Variants in ALDH7A1 observed in about 807,000 individuals in gnomAD.
ALDH7A1 encodes the protein alpha-aminoadipic semialdehyde dehydrogenase.
ALDH7A1 carries 63 observed loss-of-function variants against 79.9 expected under a neutral mutation model. That is an observed-to-expected ratio of 0.79 (90% CI 0.64 to 0.97). ALDH7A1 has a LOEUF of 0.97. Among genes scored for constraint, ALDH7A1 ranks in the 50% least tolerant of loss-of-function variants. The pLI is 0.00. For missense variants in ALDH7A1, 627 were observed against 665.2 expected, an observed-to-expected ratio of 0.94 and a Z score of 0.63; for synonymous variants, 240 against 231.2, an observed-to-expected ratio of 1.04 and a Z score of -0.34.
chr5:126,560,766 T>C (rs1243453018), intron 10 of ALDH7A1, among the ~76,000 whole-genome samples: 2 of 152,088 alleles, frequency 1.3e-5, no homozygotes, highest in Non-Finnish European at 2.9e-5. Context: ...TCTAGAGAAA[T>C]GTGGCCAGTT....
At chr5:126,584,221 G>A (rs573060006) in intron 3 of ALDH7A1, 52 of 542,924 alleles carry the variant, frequency 9.6e-5, no homozygotes, top group Non-Finnish European at 1.3e-4. Flanking sequence ...GCACAGAGGA[G>A]AAGAAAAGGC....
At chr5:126,594,691 C>G (rs1751680709) in intron 1 of ALDH7A1, among the ~76,000 whole-genome samples, 1 of 152,024 alleles carries the variant, frequency 6.6e-6, no homozygotes, top group African/African-American at 2.4e-5. Context: ...GGTGATCCGC[C>G]CGCCTAGGCC....
intron 10 of ALDH7A1, 166 bp from the exon 11 acceptor site, chr5:126,559,500 A>C: frequency 3.5e-6 from 2 of 565,230 alleles, no homozygotes; most frequent in Non-Finnish European, 6.3e-6. Flanking sequence ...CAATGGCACG[A>C]TCTCGGCTCA....
At position 126,567,260 on chromosome 5, in the gene ALDH7A1, T is replaced by C. The variant is rs557882457; in HGVS notation, c.871+999A>G. On this transcript the variant is annotated intron_variant, in intron 9 of 17. Coordinates refer to ENST00000409134, the MANE Select transcript of ALDH7A1 (RefSeq NM_001182.5). ...TGGACACAGCAGTAGGGTGGACGCA[T>C]CAGGTTATAAATGACCCTGTCTCCT... is the stretch of plus-strand genomic sequence containing the variant. Among the ~76,000 whole-genome samples the C allele has an allele frequency of 2.1e-3, 316 of 152,326 alleles. 1 individual carries two copies. Among genetic ancestry groups the C allele is most frequent in the African/African-American group, 7.3e-3 (305 of 41,588 alleles).
At chr5:126,553,589 G>A (rs1750075354) in intron 13 of ALDH7A1, among the ~76,000 whole-genome samples, 2 of 152,166 alleles carry the variant, frequency 1.3e-5, no homozygotes, top group African/African-American at 4.8e-5. Context: ...ATGGGTGCCT[G>A]TAATCCCAGC....
At chr5:126,572,078 G>A (rs1750798109) in intron 7 of ALDH7A1, among the ~76,000 whole-genome samples, 1 of 152,274 alleles carries the variant, frequency 6.6e-6, no homozygotes, top group South Asian at 2.1e-4. Context: ...CTCTGAAAAA[G>A]GATTCCATTC....
intron 11 of ALDH7A1, among the ~76,000 whole-genome samples, chr5:126,558,434 A>G (rs563692450): frequency 2.8e-4 from 43 of 152,302 alleles, no homozygotes; most frequent in African/African-American, 1.0e-3. Context: ...GAGGTCACAC[A>G]TATACATAGC....
chr5:126,559,433 GGTTT>G, intron 10 of ALDH7A1, 99 bp from the exon 11 acceptor site: 10 of 569,818 alleles, frequency 1.8e-5, no homozygotes, highest in Middle Eastern at 3.5e-4. Flanking sequence ...TTTTGGTTTT[GGTTT>G]TTTTTTTTTT....
chr5:126,577,303 A>G, intron 5 of ALDH7A1, 92 bp from the exon 6 acceptor site: 1 of 1,515,792 alleles, frequency 6.6e-7, no homozygotes, highest in Admixed American at 1.9e-5. Context: ...ACTGGAGAAG[A>G]TTCCAGATGC....
At chr5:126,549,521 T>C in intron 16 of ALDH7A1, 1 of 188,274 alleles carries the variant, frequency 5.3e-6, no homozygotes, top group South Asian at 1.1e-4. Context: ...AAGAAACAAC[T>C]TTGTATTCCA....
Position 126,544,552 on chromosome 5 carries a change from T to C in ALDH7A1, c.*413A>G. The C allele has an allele frequency of 4.1e-6, 1 of 244,960 alleles. No individual in the cohort carries two copies. The highest frequency in any genetic ancestry group is 8.0e-6 in the Non-Finnish European group (1 of 125,068). The allele number at this position is 244,960 out of a possible 1,614,324, so 15.2% of individuals were successfully genotyped here. On this transcript the variant is annotated 3_prime_UTR_variant, in exon 18 of 18. Transcript: ENST00000409134. ...CATAGGTGGGTAATGTCAAGCAATATTCACCCCCCGCCCCTGAATCCTTCA... is the reference window on the plus strand; with the variant it reads ...CATAGGTGGGTAATGTCAAGCAATACTCACCCCCCGCCCCTGAATCCTTCA...
At chr5:126,571,495 TGAG>T (rs1750775286) in intron 7 of ALDH7A1, among the ~76,000 whole-genome samples, 1 of 150,730 alleles carries the variant, frequency 6.6e-6, no homozygotes, top group Non-Finnish European at 1.5e-5. Flanking sequence ...AAAAGAATCT[TGAG>T]AAGAAGAAAA....
In ALDH7A1 at chr5:126,575,446, A is replaced by G. The variant is rs1335654711; in HGVS notation, c.669T>C (p.Thr223=). Residue 223 remains threonine (T), a synonymous_variant, in exon 7 of 18, where the codon ACT becomes ACC. Transcript: ENST00000409134. ...TTGTGACAGCCACACTAATGAGGGA[A>G]GTGGTTGGAGCTCCTTTCCTTAAGA... ...NVCLWKGAPT[T]SLISVAVTKI... The G allele has an allele frequency of 4.3e-6, 7 of 1,612,656 alleles. No homozygotes were observed. The highest frequency in any genetic ancestry group is 1.3e-5 in the African/African-American group (1 of 75,008).
At chr5:126,592,773 AATG>A (rs750890870) in intron 2 of ALDH7A1, 44 bp from the exon 3 acceptor site, 788 of 1,552,608 alleles carry the variant, frequency 5.1e-4, no homozygotes, top group Non-Finnish European at 4.5e-4. Context: ...AATAAAGAGA[AATG>A]ATGATGATCT....
At chr5:126,554,205 C>A (rs534171217) in intron 13 of ALDH7A1, 82 bp downstream of exon 13, 60 of 1,205,528 alleles carry the variant, frequency 5.0e-5, no homozygotes, top group Non-Finnish European at 7.3e-5. Flanking sequence ...GGTGGCTTTT[C>A]CAATATGCCC....
intron 8 of ALDH7A1, chr5:126,569,199 TC>T (rs1750695263): frequency 1.3e-5 from 2 of 152,192 alleles, no homozygotes; most frequent in Non-Finnish European, 2.9e-5. Flanking sequence ...GATTGCATGC[TC>T]CTTATGAGAA....
At chr5:126,575,589 G>T in intron 6 of ALDH7A1, 125 bp from the exon 7 acceptor site, 1 of 770,520 alleles carries the variant, frequency 1.3e-6, no homozygotes, top group African/African-American at 1.8e-5. Flanking sequence ...CAACTAACAA[G>T]TGAGTCTAGT....
At chr5:126,578,267 C>A (rs915540972) in intron 5 of ALDH7A1, among the ~76,000 whole-genome samples, 3 of 151,982 alleles carry the variant, frequency 2.0e-5, no homozygotes, top group Non-Finnish European at 2.9e-5. Context: ...CCAGCCTGGG[C>A]AACAGAGGGA....
chr5:126,544,840 G>C lies in ALDH7A1; in HGVS notation c.*125C>G. 1.3e-6 allele frequency: 1 copy of C among 774,130 alleles called. No homozygotes were observed. Among genetic ancestry groups the C allele is most frequent in the Non-Finnish European group, 2.3e-6 (1 of 443,666 alleles). The allele number at this position is 774,130 out of a possible 1,614,324, so 48.0% of individuals were successfully genotyped here. On this transcript the variant is annotated 3_prime_UTR_variant, in exon 18 of 18. Coordinates refer to ENST00000409134, the MANE Select transcript of ALDH7A1 (RefSeq NM_001182.5). The stretch of plus-strand genomic sequence containing the variant: ...ATTTAATCAGGGCTTTGGGGTCATA[G>C]GGGGATTAGTCACTGTCACAGTCAT...
Sources: allele counts gnomAD v4.1 joint callset (sites outside exome capture counted in the v4.1 genomes callset), GRCh38; gene constraint gnomAD v4.1.1; transcripts MANE v1.5; gene names NCBI Gene and HGNC (gene_info 2026-07-23, HGNC 2026-07-21).